SRGAP3: variants seen among roughly 807,000 people sequenced by gnomAD.
SRGAP3 encodes SLIT-ROBO Rho GTPase-activating protein 3.
Under a neutral mutation model 121.1 loss-of-function variants are expected in SRGAP3, and 39 were observed. The observed-to-expected ratio is 0.32, with a 90% CI of 0.25 to 0.42. The LOEUF (loss-of-function observed/expected upper bound fraction) is 0.42. Ranked by LOEUF, SRGAP3 falls within the 10% of genes least tolerant of loss-of-function variation. The pLI is 1.00. For synonymous variants in SRGAP3, 601 were observed against 570.0 expected (o/e 1.05, Z -0.77); for missense variants, 1,213 against 1,470.6 (o/e 0.82, Z 2.86).
chr3:9,050,993 A>T (rs772128042), intron 9 of SRGAP3, among the ~76,000 whole-genome samples: 23 of 148,612 alleles, frequency 1.5e-4, no homozygotes, highest in Middle Eastern at 3.5e-3. Flanking sequence ...AATGACTACA[A>T]TCCAATCAAT....
chr3:9,075,183 C>A (rs574862334), intron 4 of SRGAP3, among the ~76,000 whole-genome samples: 2 of 152,184 alleles, frequency 1.3e-5, no homozygotes, highest in Non-Finnish European at 2.9e-5. Context: ...TTACCTCTGC[C>A]CTTTTTTTCT....
At chr3:9,316,599 G>T (rs1278669604) in intron 3 of SRGAP3, among the ~76,000 whole-genome samples, 1 of 152,052 alleles carries the variant, frequency 6.6e-6, no homozygotes, top group Non-Finnish European at 1.5e-5. Context: ...GGCGGAGGTT[G>T]CAGTGAGCTG....
intron 1 of SRGAP3, among the ~76,000 whole-genome samples, chr3:9,166,831 A>G (rs1575173916): frequency 6.6e-6 from 1 of 151,998 alleles, no homozygotes; most frequent in East Asian, 1.9e-4. Flanking sequence ...ACCAGTTATC[A>G]CCCTGACTTC....
At chr3:9,340,761 T>C (rs1559284301) in intron 1 of SRGAP3, among the ~76,000 whole-genome samples, 1 of 152,196 alleles carries the variant, frequency 6.6e-6, no homozygotes, top group Non-Finnish European at 1.5e-5. Context: ...TGTTGGACTC[T>C]GCCCACAATT....
chr3:9,300,735 G>A (rs554063555), intron 3 of SRGAP3, among the ~76,000 whole-genome samples: 2 of 152,180 alleles, frequency 1.3e-5, no homozygotes, highest in Admixed American at 1.3e-4. Flanking sequence ...AGACATTTTT[G>A]GTTGTCATGC....
chr3:9,078,063 G>A lies in SRGAP3; in HGVS notation c.486+1962C>T, dbSNP rs991809451. On this transcript the variant is annotated intron_variant, in intron 4 of 21. Transcript: ENST00000383836. ...ACATCTGCCATAGGAACTTGAAGCC[G>A]AGAGGTAATAACATTCTGAAGGTGG... Among the ~76,000 whole-genome samples, 7 of 152,190 alleles carry A rather than the reference G, an allele frequency of 4.6e-5. No individual in the cohort carries two copies. The East Asian group carries it at 7.7e-4, about 17-fold the overall frequency.
intron 1 of SRGAP3, among the ~76,000 whole-genome samples, chr3:9,155,941 G>A (rs1243015933): frequency 3.3e-5 from 5 of 152,036 alleles, no homozygotes; most frequent in South Asian, 4.1e-4. Context: ...TCAGCCTCCC[G>A]AGTAGCTGGG....
At chr3:9,069,476 G>T (rs1417740190) in intron 4 of SRGAP3, among the ~76,000 whole-genome samples, 1 of 152,120 alleles carries the variant, frequency 6.6e-6, no homozygotes, top group Non-Finnish European at 1.5e-5. Context: ...GCCAGGGAAG[G>T]GATTCACTTT....
Position 9,053,221 on chromosome 3 carries a change from T to C in SRGAP3, c.1129A>G (p.Arg377Gly). ...TGCATGGTGGCATCCAGGGTTTTCCTAACCTGGGGAAACACAGCAGATTGA... is the reference window on the plus strand; with the variant it reads ...TGCATGGTGGCATCCAGGGTTTTCCCAACCTGGGGAAACACAGCAGATTGA... ...ATLKIENEEV[R>G]KTLDATMQTL... The change falls in exon 9 of 22, where the codon AGG (arginine) becomes GGG (glycine). Residue 377 changes from arginine to glycine, a missense_variant. This residue lies in a region of SRGAP3 where 793 missense variants were observed against 1,032.9 expected (regional missense o/e 0.77). Transcript: ENST00000383836. The C allele has an allele frequency of 6.2e-7, 1 of 1,613,712 alleles. No homozygotes were observed. Among genetic ancestry groups the C allele is most frequent in the Non-Finnish European group, 8.5e-7 (1 of 1,179,814 alleles).
Position 8,982,291 on chromosome 3 carries a change from A to G in SRGAP3, c.*3228T>C. The G allele has an allele frequency of 4.4e-6, 1 of 227,434 alleles. No individual in the cohort carries two copies. Among genetic ancestry groups the G allele is most frequent in the Non-Finnish European group, 8.8e-6 (1 of 114,110 alleles). The allele number at this position is 227,434 out of a possible 1,614,324, so 14.1% of individuals were successfully genotyped here. A position where few individuals can be genotyped will look rare whatever the true frequency, so the allele number is the denominator to read the frequency against. On this transcript the variant is annotated 3_prime_UTR_variant, in exon 22 of 22. Coordinates refer to ENST00000383836, the MANE Select transcript of SRGAP3 (RefSeq NM_014850.4). ...GAAATCATTCCATGAAGCAAAGAAA[A>G]AAAAATGCCCGTTGTCAACTAACTG...
At chr3:9,286,152 ACACACACAC>A (rs1247849831) in intron 3 of SRGAP3, among the ~76,000 whole-genome samples, 29 of 147,526 alleles carry the variant, frequency 2.0e-4, no homozygotes, top group Admixed American at 1.8e-3. Flanking sequence ...ACACACACAC[ACACACACAC>A]ATTTATCTGT....
At chr3:9,116,838 A>C (rs1560185452) in intron 2 of SRGAP3, among the ~76,000 whole-genome samples, 1 of 152,206 alleles carries the variant, frequency 6.6e-6, no homozygotes, top group Non-Finnish European at 1.5e-5. Flanking sequence ...CAAATTACTT[A>C]ATTTCTCGAA....
upstream of SRGAP3, among the ~76,000 whole-genome samples, chr3:9,253,257 C>T (rs1002782794): frequency 1.2e-4 from 19 of 152,160 alleles, no homozygotes; most frequent in African/African-American, 3.6e-4. Context: ...GATTCTATCC[C>T]GGAGGAATCA....
At chr3:9,274,141 G>C (rs557541572) in intron 3 of SRGAP3, among the ~76,000 whole-genome samples, 2 of 152,228 alleles carry the variant, frequency 1.3e-5, no homozygotes, top group African/African-American at 4.8e-5. Flanking sequence ...ATCATGTCTG[G>C]TACATAGGAG....
At chr3:9,064,269 C>T (rs1946315288) in intron 5 of SRGAP3, 127 bp downstream of exon 5, 2 of 1,303,596 alleles carry the variant, frequency 1.5e-6, no homozygotes, top group Admixed American at 2.0e-5. Context: ...GTCCCATCCC[C>T]CCTACCCACC....
chr3:9,155,073 G>C (rs1290056613), intron 1 of SRGAP3, among the ~76,000 whole-genome samples: 1 of 150,970 alleles, frequency 6.6e-6, no homozygotes, highest in Non-Finnish European at 1.5e-5. Flanking sequence ...TGATCCTTTA[G>C]TATTTCTTTC....
chr3:8,984,203 G>A lies in SRGAP3; in HGVS notation c.*1316C>T, dbSNP rs936203684. The A allele has an allele frequency of 1.7e-5, 4 of 230,586 alleles. No homozygotes were observed. Among genetic ancestry groups the A allele is most frequent in the Non-Finnish European group, 3.4e-5 (4 of 116,474 alleles). 14.3% of individuals were successfully genotyped at this position (230,586 alleles called of 1,614,324 possible). On this transcript the variant is annotated 3_prime_UTR_variant, in exon 22 of 22. Transcript: ENST00000383836. ...GGAGTGGGTGAAGGGGGAGGGAAGG[G>A]AAGCTATGTCACTTGTATTAACTCA...
chr3:9,036,837 A>G (rs1441821944), intron 11 of SRGAP3: 1 of 152,192 alleles, frequency 6.6e-6, no homozygotes, highest in Non-Finnish European at 1.5e-5. Context: ...AAGAAAAAAA[A>G]ATTATAATGG....
intron 1 of SRGAP3, among the ~76,000 whole-genome samples, chr3:9,211,356 C>T (rs1034299934): frequency 1.3e-5 from 2 of 152,180 alleles, no homozygotes; most frequent in South Asian, 4.1e-4. Context: ...TGAAAACCAC[C>T]AAGTTCTGTC....
Sources: gnomAD v4.1 joint callset for allele counts (sites outside exome capture counted in the v4.1 genomes callset) on GRCh38, gnomAD v4.1.1 for gene constraint, gnomAD v4.1.1 regional missense constraint, MANE v1.5 for transcripts, NCBI Gene and HGNC (gene_info 2026-07-23, HGNC 2026-07-21) for gene names.